The following ABCB10 variants were observed in gnomAD, a reference collection of about 807,000 sequenced individuals.
ABCB10 encodes the protein ATP-binding cassette sub-family B member 10, mitochondrial.
In ABCB10, 54 loss-of-function variants were observed where a neutral mutation model predicts 65.4. That is an observed-to-expected ratio of 0.83 (90% CI 0.66 to 1.04). The LOEUF (loss-of-function observed/expected upper bound fraction) is 1.04. ABCB10 is among the 50% of genes least tolerant of loss of function. The pLI, the probability that ABCB10 is intolerant of heterozygous loss-of-function variation, is 0.00. For missense variants in ABCB10, 846 were observed against 976.6 expected (o/e 0.87, Z 1.78); for synonymous variants, 418 against 406.5 (o/e 1.03, Z -0.34).
intron 10 of ABCB10, among the ~76,000 whole-genome samples, chr1:229,523,806 G>A (rs1006863542): frequency 6.6e-6 from 1 of 152,118 alleles, no homozygotes; most frequent in African/African-American, 2.4e-5. Flanking sequence ...CTTAGGACAA[G>A]CCTCACACTT....
chr1:229,546,912 T>C (rs182590772), intron 3 of ABCB10, among the ~76,000 whole-genome samples: 2 of 152,142 alleles, frequency 1.3e-5, no homozygotes, highest in East Asian at 1.9e-4. Context: ...AAAAAATTAA[T>C]CTCATTGGCT....
At chr1:229,533,781 A>AC (rs1662641746) in intron 6 of ABCB10, among the ~76,000 whole-genome samples, 1 of 152,316 alleles carries the variant, frequency 6.6e-6, no homozygotes, top group Admixed American at 6.5e-5. Context: ...CCCAAAAACT[A>AC]ATGTAGAGTG....
At chr1:229,518,703 G>T in intron 12 of ABCB10, 138 bp downstream of exon 12, 1 of 789,724 alleles carries the variant, frequency 1.3e-6, no homozygotes, top group Non-Finnish European at 2.0e-6. Flanking sequence ...TATTAATTCA[G>T]CTTCCCTCAC....
rs563438006 is a variant in ABCB10 at position 229,528,275 on chromosome 1, C to T, written c.1646-967G>A. 5.9e-5 allele frequency among the ~76,000 whole-genome samples: 9 copies of T among 151,826 alleles called. No homozygotes were observed. In the South Asian group the frequency reaches 8.3e-4, roughly 14 times the overall value. ...TTCATTGTGATGAAGAAACTAGAGA[C>T]TCAGTATTTTTACTTGAATTACAGC... On this transcript the variant is annotated intron_variant, in intron 8 of 12. Coordinates refer to ENST00000344517, the MANE Select transcript of ABCB10 (RefSeq NM_012089.3).
intron 3 of ABCB10, among the ~76,000 whole-genome samples, chr1:229,546,230 T>C (rs950558692): frequency 6.6e-6 from 1 of 150,698 alleles, no homozygotes; most frequent in African/African-American, 2.4e-5. Flanking sequence ...ATAATAAATA[T>C]ATTTTACCTT....
chr1:229,556,646 G>A (rs947385424), intron 1 of ABCB10, among the ~76,000 whole-genome samples: 1 of 152,146 alleles, frequency 6.6e-6, no homozygotes, highest in Non-Finnish European at 1.5e-5. Context: ...AAGAGGACTG[G>A]GCACGTGTAG....
At chr1:229,547,467 G>A in intron 3 of ABCB10, 32 bp downstream of exon 3, 4 of 1,610,094 alleles carry the variant, frequency 2.5e-6, no homozygotes, top group Non-Finnish European at 3.4e-6. Context: ...AGCCCTGGCA[G>A]GAAGGTACCA....
At chr1:229,556,333 T>C (rs1663246912) in intron 1 of ABCB10, among the ~76,000 whole-genome samples, 1 of 151,006 alleles carries the variant, frequency 6.6e-6, no homozygotes, top group Non-Finnish European at 1.5e-5. Context: ...GATCACGCCA[T>C]TGCACTCCAG....
chr1:229,528,053 C>A (rs1662485623), intron 8 of ABCB10, among the ~76,000 whole-genome samples: 1 of 152,178 alleles, frequency 6.6e-6, no homozygotes, highest in South Asian at 2.1e-4. Context: ...GGGTGCTCAA[C>A]AAAACTTGGT....
chr1:229,517,343 A>C lies in ABCB10; in HGVS notation c.*836T>G, dbSNP rs558992646. On this transcript the variant is annotated 3_prime_UTR_variant, in exon 13 of 13. Transcript: ENST00000344517. ...AGATTCAATTTGTCTTGAAATTATAAATTTGTAACAGATATTTTTCAAAAT... is the reference window on the plus strand; with the variant it reads ...AGATTCAATTTGTCTTGAAATTATACATTTGTAACAGATATTTTTCAAAAT... 2.6e-5 allele frequency: 4 copies of C among 152,380 alleles called. No individual in the cohort carries two copies. The highest frequency in any genetic ancestry group is 9.6e-5 in the African/African-American group (4 of 41,600). 9.4% of individuals were successfully genotyped at this position (152,380 alleles called of 1,614,324 possible). A position where few individuals can be genotyped will look rare whatever the true frequency, so the allele number is the denominator to read the frequency against.
intron 2 of ABCB10, among the ~76,000 whole-genome samples, chr1:229,548,663 TTTC>T (rs920857877): frequency 4.7e-5 from 7 of 150,246 alleles, no homozygotes; most frequent in African/African-American, 1.5e-4. Flanking sequence ...TTTCTTTTTT[TTTC>T]TTTTTTTTTT....
Sources: allele counts gnomAD v4.1 joint callset (sites outside exome capture counted in the v4.1 genomes callset), GRCh38; gene constraint gnomAD v4.1.1; transcripts MANE v1.5; gene names NCBI Gene and HGNC (gene_info 2026-07-23, HGNC 2026-07-21).